AMBRA1: variants seen among roughly 807,000 people sequenced by gnomAD.
AMBRA1 encodes activating molecule in BECN1-regulated autophagy protein 1.
A neutral mutation model predicts 125.4 loss-of-function variants in AMBRA1; 47 were observed. That is an observed-to-expected ratio of 0.37 (90% CI 0.30 to 0.48). The LOEUF is 0.48. Ranked by LOEUF, AMBRA1 falls within the 20% of genes least tolerant of loss-of-function variation. AMBRA1 has a pLI of 0.99. For synonymous variants in AMBRA1, 626 were observed against 655.5 expected (o/e 0.95, Z 0.69); for missense variants, 1,331 against 1,693.4 (o/e 0.79, Z 3.76).
intron 7 of AMBRA1, among the ~76,000 whole-genome samples, chr11:46,528,947 C>T (rs1952098883): frequency 6.6e-6 from 1 of 152,302 alleles, no homozygotes; most frequent in African/African-American, 2.4e-5. Flanking sequence ...AAAAGAGTCA[C>T]ACGTACCCTC....
At chr11:46,506,799 T>C (rs1951050073) in intron 9 of AMBRA1, among the ~76,000 whole-genome samples, 1 of 151,832 alleles carries the variant, frequency 6.6e-6, no homozygotes, top group Admixed American at 6.6e-5. Context: ...AGTTTCAGGA[T>C]GGAAAGAAAC....
intron 5 of AMBRA1, 46 bp from the exon 6 acceptor site, chr11:46,544,087 T>C (rs1448074590): frequency 3.4e-6 from 5 of 1,491,128 alleles, no homozygotes; most frequent in Non-Finnish European, 4.7e-6. Context: ...AGAGAGATTA[T>C]GTTAACTGAG....
intron 3 of AMBRA1, 174 bp from the exon 4 acceptor site, chr11:46,547,470 C>G: frequency 1.6e-6 from 1 of 633,928 alleles, no homozygotes; most frequent in Non-Finnish European, 2.6e-6. Context: ...TCTTTAAAAG[C>G]TTTTGGCTTG....
intron 11 of AMBRA1, among the ~76,000 whole-genome samples, chr11:46,471,804 T>C (rs1949606067): frequency 6.6e-6 from 1 of 151,730 alleles, no homozygotes; most frequent in Non-Finnish European, 1.5e-5. Context: ...ATTTTTTGTA[T>C]TTTAGTAGAG....
chr11:46,558,564 A>G (rs924508757), intron 1 of AMBRA1, among the ~76,000 whole-genome samples: 1 of 148,742 alleles, frequency 6.7e-6, no homozygotes, highest in African/African-American at 2.6e-5. Context: ...AAAAAAAAAA[A>G]AAAAAAAAAA....
chr11:46,591,179 T>C (rs1044542300), intron 1 of AMBRA1: 3 of 152,226 alleles, frequency 2.0e-5, no homozygotes, highest in East Asian at 1.9e-4. Context: ...ATAGTCCTTA[T>C]AACTCTAAAT....
At position 46,415,292 on chromosome 11, in the gene AMBRA1, A is replaced by G. The variant is rs549168882; in HGVS notation, c.3116+2621T>C. 1.7e-4 allele frequency among the ~76,000 whole-genome samples: 26 copies of G among 152,346 alleles called. No individual in the cohort carries two copies. The South Asian group carries it at 1.9e-3, about 11-fold the overall frequency. On this transcript the variant is annotated intron_variant, in intron 15 of 17. Coordinates refer to ENST00000683756, the MANE Select transcript of AMBRA1 (RefSeq NM_001387011.1). ...TCCTCTCTCATTTCCACCTGCATCC[A>G]TGCCTGACCTGCTGAAATGTCTCAA...
intron 7 of AMBRA1, among the ~76,000 whole-genome samples, chr11:46,536,667 G>C (rs993408103): frequency 6.6e-6 from 1 of 152,148 alleles, no homozygotes; most frequent in Non-Finnish European, 1.5e-5. Flanking sequence ...TCAATGTTTG[G>C]GCCGAGGCCT....
rs528886232 is a variant in AMBRA1 at position 46,438,504 on chromosome 11, T to C, written c.2633-3467A>G. On this transcript the variant is annotated intron_variant, in intron 12 of 17. Transcript: ENST00000683756. ...ATGAGGCCACGGGAGCAATTAGCAG[T>C]TGCAGTGCCTTTGCAAATGCATTAG... 3.3e-5 allele frequency among the ~76,000 whole-genome samples: 5 copies of C among 152,368 alleles called. No homozygotes were observed. The South Asian group carries it at 1.0e-3, about 32-fold the overall frequency.
intron 4 of AMBRA1, chr11:46,546,033 CTTTT>C (rs35703280): frequency 1.9e-3 from 260 of 139,028 alleles, no homozygotes; most frequent in Middle Eastern, 6.3e-3. Context: ...GTTCCTATTT[CTTTT>C]TTTTTTTTTT....
chr11:46,455,093 C>T (rs1436639306), intron 11 of AMBRA1, among the ~76,000 whole-genome samples: 1 of 152,112 alleles, frequency 6.6e-6, no homozygotes, highest in Non-Finnish European at 1.5e-5. Flanking sequence ...TCAGTATTTA[C>T]CCAGGCTGGT....
At chr11:46,463,650 C>T (rs968052358) in intron 11 of AMBRA1, among the ~76,000 whole-genome samples, 1 of 152,172 alleles carries the variant, frequency 6.6e-6, no homozygotes, top group Non-Finnish European at 1.5e-5. Context: ...CCCACTCAAT[C>T]GTCAGAATGG....
chr11:46,561,270 A>G (rs536143326), intron 1 of AMBRA1, among the ~76,000 whole-genome samples: 1 of 152,060 alleles, frequency 6.6e-6, no homozygotes, highest in East Asian at 1.9e-4. Context: ...AATCCCAGCT[A>G]CTCGGAAGGC....
At position 46,397,526 on chromosome 11, in the gene AMBRA1, T is replaced by C. The variant is rs749521467; in HGVS notation, c.3821A>G (p.Asn1274Ser). ...GCCACCATCCAGAAGGTGGTTGTTATTGGTCAACTCGCAGTGGAGGGTTGG... is the reference window on the plus strand; with the variant it reads ...GCCACCATCCAGAAGGTGGTTGTTACTGGTCAACTCGCAGTGGAGGGTTGG... ...EGPTLHCELT[N>S]NNHLLDGGSS... Residue 1274 changes from asparagine (N) to serine (S), a missense_variant, in exon 18 of 18, where the codon AAT (asparagine) becomes AGT (serine). Physicochemically the swap from Asn to Ser is conservative, Grantham distance 46 (BLOSUM62 1). Transcript: ENST00000683756. 1.0e-5 allele frequency: 16 copies of C among 1,540,306 alleles called. No homozygotes were observed. The highest frequency in any genetic ancestry group is 7.9e-5 in the Admixed American group (4 of 50,752).
At chr11:46,588,148 C>A (rs1383142883) in intron 1 of AMBRA1, among the ~76,000 whole-genome samples, 1 of 152,186 alleles carries the variant, frequency 6.6e-6, no homozygotes, top group African/African-American at 2.4e-5. Context: ...GCCTGGCCAA[C>A]ATGGTGAAAC....
At chr11:46,429,269 T>C (rs1434312914) in intron 14 of AMBRA1, 2 of 862,962 alleles carry the variant, frequency 2.3e-6, no homozygotes, top group Non-Finnish European at 3.6e-6. Context: ...TACTCAGAAA[T>C]CGGTGTGTGG....
At chr11:46,420,885 GAAT>G (rs1185041851) in intron 14 of AMBRA1, among the ~76,000 whole-genome samples, 1 of 152,150 alleles carries the variant, frequency 6.6e-6, no homozygotes, top group Non-Finnish European at 1.5e-5. Flanking sequence ...CTTACGAGGA[GAAT>G]AATAAGACTT....
chr11:46,414,398 AG>A (rs1164969050), intron 15 of AMBRA1, among the ~76,000 whole-genome samples: 1 of 152,166 alleles, frequency 6.6e-6, no homozygotes, highest in African/African-American at 2.4e-5. Context: ...TGATTACAGA[AG>A]GGACAGAGCT....
At chr11:46,428,828 C>A (rs2136691382) in intron 14 of AMBRA1, 1 of 1,611,472 alleles carries the variant, frequency 6.2e-7, no homozygotes, top group Non-Finnish European at 8.5e-7. Context: ...ACCCTCCAGA[C>A]CTTTAGGCCG....
Sources: allele counts gnomAD v4.1 joint callset (sites outside exome capture counted in the v4.1 genomes callset), GRCh38; gene constraint gnomAD v4.1.1; transcripts MANE v1.5; gene names NCBI Gene and HGNC (gene_info 2026-07-23, HGNC 2026-07-21).